Variants in ASH1L observed in about 807,000 individuals in gnomAD.
ASH1L encodes histone-lysine N-methyltransferase ASH1L.
A neutral mutation model predicts 269.0 loss-of-function variants in ASH1L; 23 were observed. The ratio of observed to expected loss-of-function variants is 0.09; its 90% CI spans 0.06 to 0.12. The LOEUF is 0.12. Among genes scored for constraint, ASH1L ranks in the 10% least tolerant of loss-of-function variants. ASH1L has a pLI of 1.00. For synonymous variants in ASH1L, 1,187 were observed against 1,253.5 expected (o/e 0.95, Z 1.12); for missense variants, 2,912 against 3,567.8 (o/e 0.82, Z 4.68).
intron 4 of ASH1L, among the ~76,000 whole-genome samples, chr1:155,454,627 G>A (rs1411478066): frequency 1.3e-5 from 2 of 152,100 alleles, no homozygotes; most frequent in African/African-American, 2.4e-5. Flanking sequence ...AATTAGCCAG[G>A]CGTGGTGGCA....
intron 7 of ASH1L, among the ~76,000 whole-genome samples, chr1:155,385,679 T>C (rs963124231): frequency 2.0e-5 from 3 of 152,194 alleles, no homozygotes; most frequent in African/African-American, 7.2e-5. Context: ...AAATTCAAAG[T>C]TAAACACTTT....
At position 155,370,486 on chromosome 1, in the gene ASH1L, C is replaced by T. The variant is rs746339876; in HGVS notation, c.6686+18G>A. On this transcript the variant is annotated intron_variant, in intron 12 of 27. Transcript: ENST00000392403. ...TATTCTGCTGGATTCTTGTCTTCAC[C>T]TTCTTTTGCTTCCTTACCATTTCTG... 1.9e-6 allele frequency: 3 copies of T among 1,612,968 alleles called. No individual in the cohort carries two copies. Among genetic ancestry groups the T allele is most frequent in the Non-Finnish European group, 2.5e-6 (3 of 1,179,962 alleles).
chr1:155,478,867 A>G lies in ASH1L; in HGVS notation c.4003T>C (p.Leu1335=). The change falls in exon 3 of 28, where the codon TTA becomes CTA. Residue 1335 remains leucine (L), a synonymous_variant. Transcript: ENST00000392403. The surrounding 1 kb of genome is among the most constrained non-coding windows in gnomAD (Gnocchi z 4.6). ...TTTCGAATGTAGTGCAAAGGGTCTA[A>G]GGGGAAAGAAGGATGTGTATAGAAA... is the stretch of plus-strand genomic sequence containing the variant. ...NSFYTHPSFP[L]DPLHYIRKPD... 1 of 1,613,984 alleles carries G rather than the reference A, an allele frequency of 6.2e-7. No homozygotes were observed. The highest frequency in any genetic ancestry group is 8.5e-7 in the Non-Finnish European group (1 of 1,179,988).
rs1437649418 is a variant in ASH1L at position 155,343,042 on chromosome 1, C to G, written c.8293+272G>C. 7.8e-6 allele frequency: 2 copies of G among 255,594 alleles called. No individual in the cohort carries two copies. The highest frequency in any genetic ancestry group is 1.5e-5 in the Non-Finnish European group (2 of 135,182). The allele number at this position is 255,594 out of a possible 1,614,324, so 15.8% of individuals were successfully genotyped here. A position where few individuals can be genotyped will look rare whatever the true frequency, so the allele number is the denominator to read the frequency against. The stretch of plus-strand genomic sequence containing the variant: ...TTTTTTTTTTTTTGAGGCAGGGTTT[C>G]ATTCTGTTGCACAGGTTGGAGTGCA... On this transcript the variant is annotated intron_variant, in intron 24 of 27. Coordinates refer to ENST00000392403, the MANE Select transcript of ASH1L (RefSeq NM_018489.3). The surrounding 1 kb of genome is among the most constrained non-coding windows in gnomAD (Gnocchi z 6.1).
chr1:155,394,919 T>C (rs908587088), intron 7 of ASH1L, among the ~76,000 whole-genome samples: 3 of 152,152 alleles, frequency 2.0e-5, no homozygotes, highest in Admixed American at 2.0e-4. Context: ...AAACAAAAGG[T>C]ACAGACATAG....
chr1:155,407,968 C>G (rs778747022), intron 6 of ASH1L, among the ~76,000 whole-genome samples: 1 of 152,000 alleles, frequency 6.6e-6, no homozygotes, highest in Non-Finnish European at 1.5e-5. Flanking sequence ...GGGTTTCTTT[C>G]TGGAATAATA....
At chr1:155,539,831 C>T (rs71517783) in intron 1 of ASH1L, among the ~76,000 whole-genome samples, 13,468 of 151,704 alleles carry the variant, frequency 0.089, 790 homozygotes, top group Non-Finnish European at 0.13. Context: ...CAAGGCAGGA[C>T]GATCGCTTGA....
intron 4 of ASH1L, among the ~76,000 whole-genome samples, chr1:155,447,160 T>C (rs948953452): frequency 5.3e-5 from 8 of 152,202 alleles, no homozygotes; most frequent in Non-Finnish European, 5.9e-5. Flanking sequence ...TCTTTCAACA[T>C]TAAGTGTTAG....
In ASH1L at chr1:155,352,724, C is replaced by G. The variant is rs775478175; in HGVS notation, c.7348G>C (p.Gly2450Arg). 3.1e-6 allele frequency: 5 copies of G among 1,608,142 alleles called. No homozygotes were observed. The highest frequency in any genetic ancestry group is 4.2e-6 in the Non-Finnish European group (5 of 1,178,190). ...TAGTCACCTTTATAAGAGATGATACCATCACAAATTTCTTTGAAGATCTGG... is the reference window on the plus strand; with the variant it reads ...TAGTCACCTTTATAAGAGATGATACGATCACAAATTTCTTTGAAGATCTGG... ...LAQIFKEICD[G>R]IISYKDSSRQ... The change falls in exon 17 of 28, where the codon GGT (glycine) becomes CGT (arginine). Residue 2450 changes from glycine (G) to arginine (R), a missense_variant. By Grantham distance (125) the Gly-to-Arg change is moderately radical. Coordinates refer to ENST00000392403, the MANE Select transcript of ASH1L (RefSeq NM_018489.3).
At position 155,434,395 on chromosome 1, in the gene ASH1L, G is replaced by T. The variant is rs1242004236; in HGVS notation, c.5828+3932C>A. The stretch of plus-strand genomic sequence containing the variant: ...GAAGGAATTGGGAACACAAAGGGTG[G>T]GGGCAGGGGAGTTTGGGGCAACTGG... On this transcript the variant is annotated intron_variant, in intron 5 of 27. Coordinates refer to ENST00000392403, the MANE Select transcript of ASH1L (RefSeq NM_018489.3). The T allele has an allele frequency of 2.3e-6, 3 of 1,308,556 alleles. No individual in the cohort carries two copies. In the African/African-American group the frequency reaches 4.5e-5, roughly 20 times the overall value. The allele number at this position is 1,308,556 out of a possible 1,614,324, so 81.1% of individuals were successfully genotyped here.
rs144763635 is a variant in ASH1L at position 155,347,727 on chromosome 1, C to T, written c.7732G>A (p.Asp2578Asn). ...SEKENGHEKD[D>N]DVIRCICGLY... ...CCACAGATACAGCGAATAACATCGT[C>T]GTCCTTCTCATGCCCATTCTCCTTT... is the stretch of plus-strand genomic sequence containing the variant. Residue 2578 changes from aspartate to asparagine, a missense_variant, in exon 20 of 28, where the codon GAC becomes AAC. By Grantham distance (23) the Asp-to-Asn change is conservative. This residue lies in a region of ASH1L where 309 missense variants were observed against 435.1 expected (regional missense o/e 0.71). Coordinates refer to ENST00000392403, the MANE Select transcript of ASH1L (RefSeq NM_018489.3). The T allele has an allele frequency of 9.9e-6, 16 of 1,614,108 alleles. No individual in the cohort carries two copies. The South Asian group carries it at 1.2e-4, about 12-fold the overall frequency.
intron 5 of ASH1L, among the ~76,000 whole-genome samples, chr1:155,435,690 A>C (rs1662030771): frequency 6.6e-6 from 1 of 152,158 alleles, no homozygotes. Flanking sequence ...AATATGAGTA[A>C]GAGTGAACAT....
intron 4 of ASH1L, 84 bp from the exon 5 acceptor site, chr1:155,439,152 A>G (rs372730778): frequency 7.4e-7 from 1 of 1,358,716 alleles, no homozygotes; most frequent in South Asian, 1.5e-5. Context: ...AAAAGGGAGT[A>G]CTACTCTATT....
At chr1:155,550,394 C>A (rs867746767) in intron 1 of ASH1L, among the ~76,000 whole-genome samples, 6 of 152,280 alleles carry the variant, frequency 3.9e-5, no homozygotes, top group Middle Eastern at 6.8e-3. Flanking sequence ...AAGTCATTTC[C>A]CTGCTTCCAA....
chr1:155,470,483 A>C (rs35081494), intron 3 of ASH1L, among the ~76,000 whole-genome samples: 135,392 of 150,036 alleles, frequency 0.9, 61,595 homozygotes, highest in East Asian at 1. Flanking sequence ...AAAAAAACAA[A>C]AAAAAAAACT....
intron 5 of ASH1L, among the ~76,000 whole-genome samples, chr1:155,424,007 G>A (rs1260264535): frequency 6.6e-6 from 1 of 151,948 alleles, no homozygotes; most frequent in East Asian, 1.9e-4. Flanking sequence ...TTATAGGTGC[G>A]AGCCACCGTG....
At chr1:155,530,265 C>T (rs1464877404) in intron 1 of ASH1L, among the ~76,000 whole-genome samples, 2 of 152,132 alleles carry the variant, frequency 1.3e-5, no homozygotes, top group African/African-American at 4.8e-5. Context: ...TTGTTGTGTA[C>T]ATCTTTCCAT....
intron 5 of ASH1L, among the ~76,000 whole-genome samples, chr1:155,422,427 T>C (rs1660772798): frequency 6.6e-6 from 1 of 151,538 alleles, no homozygotes. Flanking sequence ...TTTGTATTTT[T>C]AGTAGAAGCG....
In ASH1L at chr1:155,479,755, C is replaced by T. The variant is rs1665819692; in HGVS notation, c.3115G>A (p.Val1039Ile). The T allele has an allele frequency of 1.2e-6, 2 of 1,614,010 alleles. No homozygotes were observed. The highest frequency in any genetic ancestry group is 1.7e-6 in the Non-Finnish European group (2 of 1,180,018). ...ATATAAATGGTTCCTTTCTTGCTGA[C>T]ATTTATCTGTTGGCCCAATTTAGAG... is the stretch of plus-strand genomic sequence containing the variant. ...FGSKLGQQIN[V>I]SKKGTIYIGK... is the part of the protein sequence containing the mutation. Residue 1039 changes from valine to isoleucine, a missense_variant, in exon 3 of 28, where the codon GTC becomes ATC. This residue lies in a region of ASH1L where 13 missense variants were observed against 38.5 expected (regional missense o/e 0.34). Transcript: ENST00000392403.
Sources: gnomAD v4.1 joint callset for allele counts (sites outside exome capture counted in the v4.1 genomes callset) on GRCh38, gnomAD v4.1.1 for gene constraint, gnomAD v4.1.1 regional missense constraint, Gnocchi (gnomAD v3.1) non-coding constraint, MANE v1.5 for transcripts, NCBI Gene and HGNC (gene_info 2026-07-23, HGNC 2026-07-21) for gene names.